PAMR1: variants seen among roughly 807,000 people sequenced by gnomAD.
The protein encoded by PAMR1 is peptidase domain containing associated with muscle regeneration 1, also known as inactive serine protease PAMR1.
PAMR1 carries 88 observed loss-of-function variants against 81.8 expected under a neutral mutation model. That is an observed-to-expected ratio of 1.08 (90% CI 0.91 to 1.28). The LOEUF is 1.28. Among genes scored for constraint, PAMR1 ranks in the 50% most tolerant of loss-of-function variants. The probability of loss-of-function intolerance (pLI) is 0.00; values close to 1 mark genes in which losing one functional copy is unlikely to be tolerated. For missense variants in PAMR1, 935 were observed against 919.7 expected, an observed-to-expected ratio of 1.02 and a Z score of -0.21; for synonymous variants, 336 against 345.3, an observed-to-expected ratio of 0.97 and a Z score of 0.30.
chr11:35,438,812 T>A (rs1317184101), intron 8 of PAMR1, among the ~76,000 whole-genome samples: 2 of 151,942 alleles, frequency 1.3e-5, no homozygotes. Context: ...GGTAAAGGGG[T>A]CCACTAGACA....
At chr11:35,454,281 G>A (rs1184476455) in intron 6 of PAMR1, among the ~76,000 whole-genome samples, 1 of 152,192 alleles carries the variant, frequency 6.6e-6, no homozygotes, top group East Asian at 1.9e-4. Flanking sequence ...TACTTCATAT[G>A]TGTACCTCAT....
intron 6 of PAMR1, among the ~76,000 whole-genome samples, chr11:35,451,411 GC>G (rs1180506047): frequency 6.6e-6 from 1 of 152,168 alleles, no homozygotes; most frequent in African/African-American, 2.4e-5. Context: ...TTTCCATAAT[GC>G]TTAGATGTGT....
At chr11:35,516,976 G>T (rs1851176410) in intron 1 of PAMR1, among the ~76,000 whole-genome samples, 1 of 152,112 alleles carries the variant, frequency 6.6e-6, no homozygotes, top group African/African-American at 2.4e-5. Flanking sequence ...TGGGAGAAGG[G>T]AGTGATTAGA....
chr11:35,434,652 C>A lies in PAMR1; in HGVS notation c.1486G>T (p.Glu496Ter). Residue 496 changes from glutamate (E) to a stop codon, truncating the protein, a stop_gained, in exon 10 of 11, where the codon GAG (glutamate) becomes TAG (stop). Transcript: ENST00000619888. LOFTEE classifies it high-confidence loss of function. ...TGGGCAGCCACCACCACAGTGCGCT[C>A]ATTCACCAGGGCACCGCTGCAGACT... ...FLVCSGALVN[E>*]RTVVVAAHCV... 3.1e-6 allele frequency: 5 copies of A among 1,614,176 alleles called. No individual in the cohort carries two copies. Among genetic ancestry groups the A allele is most frequent in the Non-Finnish European group, 4.2e-6 (5 of 1,180,032 alleles).
intron 6 of PAMR1, among the ~76,000 whole-genome samples, chr11:35,452,806 A>G (rs565499829): frequency 1.3e-5 from 2 of 152,114 alleles, no homozygotes; most frequent in Non-Finnish European, 2.9e-5. Context: ...CCATAGTCTC[A>G]CCACCCCATA....
At chr11:35,439,472 A>T (rs1449497894) in intron 8 of PAMR1, among the ~76,000 whole-genome samples, 155 bp downstream of exon 8, 1 of 152,220 alleles carries the variant, frequency 6.6e-6, no homozygotes, top group Non-Finnish European at 1.5e-5. Flanking sequence ...ATAAGCCTCC[A>T]TCTAACAAGC....
chr11:35,508,473 G>A (rs1851012471), intron 1 of PAMR1, among the ~76,000 whole-genome samples: 1 of 147,932 alleles, frequency 6.8e-6, no homozygotes, highest in Non-Finnish European at 1.5e-5. Context: ...GGAGAGTAAA[G>A]CTAGCTTGCT....
At chr11:35,503,281 AGCT>A (rs138893205) in intron 1 of PAMR1, among the ~76,000 whole-genome samples, 3,403 of 122,688 alleles carry the variant, frequency 0.028, 123 homozygotes, top group African/African-American at 0.097. Context: ...TGATGTCTCC[AGCT>A]TTTTTTTTTT....
At chr11:35,442,747 G>A (rs530806601) in intron 6 of PAMR1, among the ~76,000 whole-genome samples, 19 of 152,006 alleles carry the variant, frequency 1.2e-4, no homozygotes, top group Admixed American at 7.2e-4. Context: ...GAGTAGCTGG[G>A]ACCACAGGCA....
chr11:35,481,895 T>C (rs141502480), intron 3 of PAMR1, among the ~76,000 whole-genome samples: 2,406 of 152,300 alleles, frequency 0.016, 63 homozygotes, highest in African/African-American at 0.056. Flanking sequence ...TGTTTTTTTC[T>C]TGTAAATTTG....
intron 3 of PAMR1, among the ~76,000 whole-genome samples, chr11:35,476,529 T>A (rs992559038): frequency 5.9e-5 from 9 of 152,150 alleles, no homozygotes; most frequent in Non-Finnish European, 1.2e-4. Context: ...CTGCCATGAT[T>A]GTAAGATCCC....
upstream of PAMR1, chr11:35,525,713 G>A (rs867896694): frequency 1.4e-5 from 10 of 740,018 alleles, no homozygotes; most frequent in Non-Finnish European, 1.9e-5. Context: ...GTTTCAGCTC[G>A]CCAGGCTCTC....
intron 6 of PAMR1, 65 bp downstream of exon 6, chr11:35,467,936 C>T: frequency 2.1e-6 from 2 of 972,564 alleles, no homozygotes; most frequent in Non-Finnish European, 3.2e-6. Context: ...GCCCTGCAAG[C>T]TCTTAAAATC....
At chr11:35,452,623 T>C (rs545545084) in intron 6 of PAMR1, among the ~76,000 whole-genome samples, 30 of 152,198 alleles carry the variant, frequency 2.0e-4, no homozygotes, top group Non-Finnish European at 4.0e-4. Context: ...TAAATTTTGC[T>C]TCTTTATAAT....
Position 35,432,276 on chromosome 11 carries a change from C to A in PAMR1, c.*80G>T. On this transcript the variant is annotated 3_prime_UTR_variant, in exon 11 of 11. Coordinates refer to ENST00000619888, the MANE Select transcript of PAMR1 (RefSeq NM_001001991.3). ...CAAGTTCACAGGCCAAATCACACTT[C>A]AGGCCCACACTGCTTCACGCAATGA... 7.4e-7 allele frequency: 1 copy of A among 1,357,580 alleles called. No homozygotes were observed. The highest frequency in any genetic ancestry group is 1.3e-5 in the South Asian group (1 of 75,712). The allele number at this position is 1,357,580 out of a possible 1,614,324, so 84.1% of individuals were successfully genotyped here. A position where few individuals can be genotyped will look rare whatever the true frequency, so the allele number is the denominator to read the frequency against.
At chr11:35,507,038 A>AC (rs201228227) in intron 1 of PAMR1, among the ~76,000 whole-genome samples, 5 of 50,682 alleles carry the variant, frequency 9.9e-5, no homozygotes, top group Admixed American at 2.2e-4. Context: ...AAATAGCCTG[A>AC]CTTTTTTTTT....
At chr11:35,433,015 G>T in intron 10 of PAMR1, 123 bp from the exon 11 acceptor site, 1 of 786,698 alleles carries the variant, frequency 1.3e-6, no homozygotes, top group South Asian at 2.0e-5. Flanking sequence ...ATTATTTGGA[G>T]ATACTTCACT....
Position 35,436,080 on chromosome 11 carries a change from T to C in PAMR1, c.1156A>G (p.Ser386Gly), listed in dbSNP as rs1410561629. The C allele has an allele frequency of 2.5e-6, 4 of 1,614,072 alleles. No homozygotes were observed. Among genetic ancestry groups the C allele is most frequent in the Non-Finnish European group, 3.4e-6 (4 of 1,180,030 alleles). ...AGGGCTGGCTTCTTGGTAGGGGCAC[T>C]CTGCAGTTTCTGCTTGCTGAAGGCC... ...SAAFSKQKLQ[S>G]APTKKPALPF... Residue 386 changes from serine to glycine, a missense_variant, in exon 9 of 11, where the codon AGT becomes GGT. Coordinates refer to ENST00000619888, the MANE Select transcript of PAMR1 (RefSeq NM_001001991.3).
At position 35,470,759 on chromosome 11, in the gene PAMR1, C is replaced by T. The variant is rs750763426; in HGVS notation, c.554G>A (p.Arg185His). Residue 185 changes from arginine (R) to histidine (H), a missense_variant, in exon 5 of 11, where the codon CGT becomes CAT. Physicochemically the swap from Arg to His is conservative, Grantham distance 29. Coordinates refer to ENST00000619888, the MANE Select transcript of PAMR1 (RefSeq NM_001001991.3). ...YMCQYDYVEV[R>H]DGDNRDGQII... ...CTGGCCATCGCGGTTGTCTCCATCA[C>T]GAACCTCAACATAGTCATACTGGCA... 6 of 1,614,172 alleles carry T rather than the reference C, an allele frequency of 3.7e-6. No individual in the cohort carries two copies. The highest frequency in any genetic ancestry group is 1.3e-5 in the African/African-American group (1 of 75,038).
Sources: allele counts gnomAD v4.1 joint callset (sites outside exome capture counted in the v4.1 genomes callset), GRCh38; gene constraint gnomAD v4.1.1; transcripts MANE v1.5; gene names NCBI Gene and HGNC (gene_info 2026-07-23, HGNC 2026-07-21).